NFE2L3: variants seen among roughly 807,000 people sequenced by gnomAD.
The protein encoded by NFE2L3 is NFE2 like bZIP transcription factor 3, also known as nuclear factor erythroid 2-related factor 3.
A neutral mutation model predicts 23.5 loss-of-function variants in NFE2L3; 18 were observed. The ratio of observed to expected loss-of-function variants is 0.77; its 90% CI spans 0.53 to 1.13. NFE2L3 has a LOEUF of 1.13. Ranked by LOEUF, NFE2L3 falls within the 50% of genes most tolerant of loss-of-function variation. The pLI is 0.00. For missense variants in NFE2L3, 1,152 were observed against 877.2 expected (o/e 1.31, Z -3.96); for synonymous variants, 424 against 354.5 (o/e 1.20, Z -2.20).
chr7:26,153,102 C>T (rs545369778), intron 1 of NFE2L3, 34 bp downstream of exon 1: 26 of 1,495,334 alleles, frequency 1.7e-5, no homozygotes, highest in Non-Finnish European at 2.3e-5. Flanking sequence ...CGAAGTGCGG[C>T]GTCTACGCCG....
Position 26,176,105 on chromosome 7 carries a change from A to G in NFE2L3, c.571-1838A>G, listed in dbSNP as rs538823562. Among the ~76,000 whole-genome samples the G allele has an allele frequency of 2.9e-3, 437 of 151,982 alleles. 5 individuals are homozygous for G. Among genetic ancestry groups the G allele is most frequent in the African/African-American group, 0.01 (426 of 41,492 alleles). On this transcript the variant is annotated intron_variant, in intron 1 of 3. Coordinates refer to ENST00000056233, the MANE Select transcript of NFE2L3 (RefSeq NM_004289.7). ...TTCAAGCATCTGTTTAACAAAGCAC[A>G]TCTTGCACCGCCCTTAATCCATTTA...
chr7:26,185,877 T>A lies in NFE2L3; in HGVS notation c.*94T>A. The stretch of plus-strand genomic sequence containing the variant: ...ACCATTGAAACTGCTTCAAGAATTG[T>A]ATCTTTAAGTACTGCTACTTGAATA... On this transcript the variant is annotated 3_prime_UTR_variant, in exon 4 of 4. Coordinates refer to ENST00000056233, the MANE Select transcript of NFE2L3 (RefSeq NM_004289.7). The A allele has an allele frequency of 9.9e-7, 1 of 1,006,770 alleles. No homozygotes were observed. Among genetic ancestry groups the A allele is most frequent in the Non-Finnish European group, 1.4e-6 (1 of 698,918 alleles). The allele number at this position is 1,006,770 out of a possible 1,614,324, so 62.4% of individuals were successfully genotyped here.
At position 26,153,055 on chromosome 7, in the gene NFE2L3, G is replaced by T; in HGVS notation, c.557G>T (p.Gly186Val). Residue 186 changes from glycine to valine, a missense_variant, in exon 1 of 4, where the codon GGA becomes GTA. Coordinates refer to ENST00000056233, the MANE Select transcript of NFE2L3 (RefSeq NM_004289.7). The part of the protein sequence containing the change: ...EPTAQVPDAG[G>V]CASEENGVLR... ...ACGGCTCAGGTGCCGGACGCTGGCG[G>T]ATGTGCGAGCGAGGTAGGTGCAGAG... 1.3e-6 allele frequency: 2 copies of T among 1,527,256 alleles called. No individual in the cohort carries two copies. Among genetic ancestry groups the T allele is most frequent in the Non-Finnish European group, 8.8e-7 (1 of 1,140,820 alleles). The allele number at this position is 1,527,256 out of a possible 1,614,324, so 94.6% of individuals were successfully genotyped here. A position where few individuals can be genotyped will look rare whatever the true frequency, so the allele number is the denominator to read the frequency against.
At position 26,186,901 on chromosome 7, in the gene NFE2L3, G is replaced by T. The variant is rs1281984803; in HGVS notation, c.*1118G>T. 6.6e-6 allele frequency: 1 copy of T among 152,170 alleles called. No individual in the cohort carries two copies. Among genetic ancestry groups the T allele is most frequent in the African/African-American group, 2.4e-5 (1 of 41,436 alleles). The allele number at this position is 152,170 out of a possible 1,614,324, so 9.4% of individuals were successfully genotyped here. ...TAAACAGGAGATTGCTGAATTTTTT[G>T]AAGACAGCAATGACCTCACCTAGAT... On this transcript the variant is annotated 3_prime_UTR_variant, in exon 4 of 4. Transcript: ENST00000056233.
At chr7:26,172,811 A>C (rs1050073077) in intron 1 of NFE2L3, among the ~76,000 whole-genome samples, 1 of 152,180 alleles carries the variant, frequency 6.6e-6, no homozygotes, top group South Asian at 2.1e-4. Flanking sequence ...AGAGTTGACC[A>C]TTTGATTTAG....
chr7:26,185,900 ATAAC>A lies in NFE2L3; in HGVS notation c.*119_*122del, dbSNP rs1198318354. On this transcript the variant is annotated 3_prime_UTR_variant, in exon 4 of 4. Transcript: ENST00000056233. ...TGTATCTTTAAGTACTGCTACTTGA[ATAAC>A]TCAGTTAACGCTGTTTTGAAGCTTA... The A allele has an allele frequency of 1.2e-6, 1 of 848,868 alleles. No individual in the cohort carries two copies. Among genetic ancestry groups the A allele is most frequent in the Admixed American group, 3.3e-5 (1 of 30,398 alleles). 52.6% of individuals were successfully genotyped at this position (848,868 alleles called of 1,614,324 possible). A position where few individuals can be genotyped will look rare whatever the true frequency, so the allele number is the denominator to read the frequency against.
Position 26,178,035 on chromosome 7 carries a change from C to G in NFE2L3, c.663C>G (p.Asn221Lys), listed in dbSNP as rs2128099576. 2 of 1,614,084 alleles carry G rather than the reference C, an allele frequency of 1.2e-6. No individual in the cohort carries two copies. The highest frequency in any genetic ancestry group is 2.2e-5 in the East Asian group (1 of 44,872). Residue 221 changes from asparagine to lysine, a missense_variant, in exon 2 of 4, where the codon AAC becomes AAG. Physicochemically the swap from Asn to Lys is moderately conservative, Grantham distance 94 (BLOSUM62 0). Coordinates refer to ENST00000056233, the MANE Select transcript of NFE2L3 (RefSeq NM_004289.7). ...AAAGGGTGTCAGCCCAGAAGGAGAACTCACTTCAGCAGAATGATGATGATG... is the reference window on the plus strand; with the variant it reads ...AAAGGGTGTCAGCCCAGAAGGAGAAGTCACTTCAGCAGAATGATGATGATG... ...NEERVSAQKE[N>K]SLQQNDDDEN...
At chr7:26,164,373 A>C (rs1784216348) in intron 1 of NFE2L3, among the ~76,000 whole-genome samples, 1 of 152,036 alleles carries the variant, frequency 6.6e-6, no homozygotes, top group African/African-American at 2.4e-5. Flanking sequence ...ATGGTATCTC[A>C]TTGTGGTTTT....
rs1428930651 is a variant in NFE2L3 at position 26,186,050 on chromosome 7, A to G, written c.*267A>G. ...TATGTCCAAAGAATAGGTTAACATG[A>G]AAACCCAGTAAGACTTTCCATCTTG... On this transcript the variant is annotated 3_prime_UTR_variant, in exon 4 of 4. Coordinates refer to ENST00000056233, the MANE Select transcript of NFE2L3 (RefSeq NM_004289.7). 7 of 283,974 alleles carry G rather than the reference A, an allele frequency of 2.5e-5. No individual in the cohort carries two copies. Among genetic ancestry groups the G allele is most frequent in the Non-Finnish European group, 3.9e-5 (6 of 153,420 alleles). The allele number at this position is 283,974 out of a possible 1,614,324, so 17.6% of individuals were successfully genotyped here.
chr7:26,183,332 G>C (rs1201353284), intron 2 of NFE2L3, among the ~76,000 whole-genome samples: 2 of 152,068 alleles, frequency 1.3e-5, no homozygotes, highest in Non-Finnish European at 2.9e-5. Flanking sequence ...TGGATCACTT[G>C]CGGTCAAAAG....
At chr7:26,167,819 T>G (rs909970286) in intron 1 of NFE2L3, among the ~76,000 whole-genome samples, 1 of 152,244 alleles carries the variant, frequency 6.6e-6, no homozygotes, top group African/African-American at 2.4e-5. Flanking sequence ...AGTTAATCAT[T>G]AATTGCAAAT....
At chr7:26,175,712 G>A (rs558885551) in intron 1 of NFE2L3, among the ~76,000 whole-genome samples, 5 of 149,720 alleles carry the variant, frequency 3.3e-5, no homozygotes, top group South Asian at 2.1e-4. Context: ...CCGGGAGGCC[G>A]AGCTTGTAGT....
Position 26,186,749 on chromosome 7 carries a change from C to CTGTT in NFE2L3, c.*968_*971dup, listed in dbSNP as rs574688714. On this transcript the variant is annotated 3_prime_UTR_variant, in exon 4 of 4. Coordinates refer to ENST00000056233, the MANE Select transcript of NFE2L3 (RefSeq NM_004289.7). ...AAAGAGTCAGCAACAGTGAAACCAT[C>CTGTT]TGTTTAAAATGGGCAAAAGCGATTA... 3.9e-5 allele frequency: 6 copies of CTGTT among 152,222 alleles called. No individual in the cohort carries two copies. In the South Asian group the frequency reaches 8.3e-4, roughly 21 times the overall value. The allele number at this position is 152,222 out of a possible 1,614,324, so 9.4% of individuals were successfully genotyped here. A position where few individuals can be genotyped will look rare whatever the true frequency, so the allele number is the denominator to read the frequency against.
In NFE2L3 at chr7:26,184,810, ATAT is replaced by A; in HGVS notation, c.1113_1115del (p.His371_Met372delinsGln). On this transcript the variant is annotated inframe_deletion, in exon 4 of 4. Transcript: ENST00000056233. ...GGATTTCTTTCACCGGTTGACAATCATATGAGGAATCTAACAAGCCAAGACCTA... is the reference window on the plus strand; with the variant it reads ...GGATTTCTTTCACCGGTTGACAATCAGAGGAATCTAACAAGCCAAGACCTA... 15 of 1,613,936 alleles carry A rather than the reference ATAT, an allele frequency of 9.3e-6. No homozygotes were observed. Among genetic ancestry groups the A allele is most frequent in the Non-Finnish European group, 1.3e-5 (15 of 1,179,818 alleles).
chr7:26,152,938 G>T lies in NFE2L3; in HGVS notation c.440G>T (p.Ser147Ile). The change falls in exon 1 of 4, where the codon AGC (serine) becomes ATC (isoleucine). Residue 147 changes from serine (S) to isoleucine (I), a missense_variant. Ser to Ile is a moderately radical substitution (Grantham distance 142). Coordinates refer to ENST00000056233, the MANE Select transcript of NFE2L3 (RefSeq NM_004289.7). This position sits in a 1 kb window ranked among gnomAD's most constrained non-coding sequence, Gnocchi z 4.4. ...GGAGASVDGGSQAVQGGGGDP... is the reference protein window; with the variant it reads ...GGAGASVDGGIQAVQGGGGDP... Reference sequence around the variant, plus strand: ...GCCGGCGCCAGCGTGGACGGCGGCAGCCAGGCTGTGCAGGGGGGCGGCGGG... The same window carrying T: ...GCCGGCGCCAGCGTGGACGGCGGCATCCAGGCTGTGCAGGGGGGCGGCGGG... 6.9e-7 allele frequency: 1 copy of T among 1,445,658 alleles called. No individual in the cohort carries two copies. Among genetic ancestry groups the T allele is most frequent in the South Asian group, 1.4e-5 (1 of 71,600 alleles). The allele number at this position is 1,445,658 out of a possible 1,614,324, so 89.6% of individuals were successfully genotyped here.
intron 2 of NFE2L3, among the ~76,000 whole-genome samples, chr7:26,183,106 A>G (rs1034613136): frequency 6.6e-6 from 1 of 152,078 alleles, no homozygotes; most frequent in East Asian, 2.0e-4. Flanking sequence ...TAATTGTGTA[A>G]CCAACTGGGA....
intron 1 of NFE2L3, among the ~76,000 whole-genome samples, chr7:26,166,809 T>G (rs1784258176): frequency 6.6e-6 from 1 of 152,242 alleles, no homozygotes; most frequent in Non-Finnish European, 1.5e-5. Context: ...CTCAGAGTGC[T>G]TTGGCCTTAC....
Position 26,153,136 on chromosome 7 carries a change from C to G in NFE2L3, c.570+68C>G. 23 of 1,430,040 alleles carry G rather than the reference C, an allele frequency of 1.6e-5. 1 individual carries two copies. In the South Asian group the frequency reaches 2.9e-4, roughly 18 times the overall value. 88.6% of individuals were successfully genotyped at this position (1,430,040 alleles called of 1,614,324 possible). A position where few individuals can be genotyped will look rare whatever the true frequency, so the allele number is the denominator to read the frequency against. On this transcript the variant is annotated intron_variant, in intron 1 of 3. Transcript: ENST00000056233. ...CGCCGGGAGCCCCCGAGGCTTGTGT[C>G]GGATCTGAGCAGGGGCCACTCTCGC...
Position 26,185,522 on chromosome 7 carries a change from TGATGTATGTAACTTGCAAGCAAA to T in NFE2L3, c.1827_1849del (p.Asp609GlufsTer5). 1 of 1,613,878 alleles carries T rather than the reference TGATGTATGTAACTTGCAAGCAAA, an allele frequency of 6.2e-7. No individual in the cohort carries two copies. The highest frequency in any genetic ancestry group is 1.1e-5 in the South Asian group (1 of 91,060). On this transcript the variant is annotated frameshift_variant, in exon 4 of 4. Transcript: ENST00000056233. LOFTEE classifies it low-confidence loss of function (END_TRUNC). ...TGGACATAATTTTGAATTTAGAAGA[TGATGTATGTAACTTGCAAGCAAA>T]GAAGGAAACTCTTAAGAGAGAGCAA...
Sources: gnomAD v4.1 joint callset for allele counts (sites outside exome capture counted in the v4.1 genomes callset) on GRCh38, gnomAD v4.1.1 for gene constraint, Gnocchi (gnomAD v3.1) non-coding constraint, MANE v1.5 for transcripts, NCBI Gene and HGNC (gene_info 2026-07-23, HGNC 2026-07-21) for gene names.